Variants in PPARGC1A observed in about 807,000 individuals in gnomAD.
PPARGC1A encodes the protein peroxisome proliferator-activated receptor gamma coactivator 1-alpha.
A neutral mutation model predicts 88.7 loss-of-function variants in PPARGC1A; 25 were observed. That is an observed-to-expected ratio of 0.28 (90% CI 0.21 to 0.39). The LOEUF is 0.39. PPARGC1A is among the 10% of genes least tolerant of loss of function. The probability of loss-of-function intolerance (pLI) is 1.00; values close to 1 mark genes in which losing one functional copy is unlikely to be tolerated. For synonymous variants in PPARGC1A, 363 were observed against 355.6 expected (o/e 1.02, Z -0.24); for missense variants, 880 against 968.7 (o/e 0.91, Z 1.22).
the PPARGC1A span, among the ~76,000 whole-genome samples, chr4:24,009,412 G>A: frequency 6.6e-6 from 1 of 152,108 alleles, no homozygotes. Context: ...TGGCATGAGG[G>A]TTATGAGGCA....
intron 2 of PPARGC1A, among the ~76,000 whole-genome samples, chr4:23,834,474 G>C (rs1232864037): frequency 8.1e-6 from 1 of 122,848 alleles, no homozygotes; most frequent in African/African-American, 3.2e-5. Flanking sequence ...GGGTGACAGA[G>C]GGAGACTCTG....
chr4:23,901,937 T>C (rs1577704782), upstream of PPARGC1A, among the ~76,000 whole-genome samples: 2 of 152,176 alleles, frequency 1.3e-5, no homozygotes, highest in African/African-American at 4.8e-5. Flanking sequence ...CAAGTTGCTA[T>C]CTAAGTCCAA....
the PPARGC1A span, among the ~76,000 whole-genome samples, chr4:24,088,991 C>T: frequency 2.6e-5 from 4 of 152,164 alleles, no homozygotes; most frequent in African/African-American, 9.7e-5. Context: ...AGACTTCTGA[C>T]AAGGATTGAA....
the PPARGC1A span, among the ~76,000 whole-genome samples, chr4:24,280,025 C>G: frequency 1.2e-4 from 19 of 152,172 alleles, no homozygotes; most frequent in Non-Finnish European, 1.9e-4. Context: ...CGCTCTTTCT[C>G]GCCAACAATG....
the PPARGC1A span, among the ~76,000 whole-genome samples, chr4:24,239,405 A>G: frequency 6.6e-6 from 1 of 152,254 alleles, no homozygotes; most frequent in Non-Finnish European, 1.5e-5. Flanking sequence ...CTTTAAGGAA[A>G]CAAACCAAAA....
chr4:23,835,243 T>A (rs1725785715), intron 2 of PPARGC1A, among the ~76,000 whole-genome samples: 1 of 152,208 alleles, frequency 6.6e-6, no homozygotes. Context: ...ATAATTCCAA[T>A]CAAGTTAAAA....
chr4:24,097,188 A>G, the PPARGC1A span, among the ~76,000 whole-genome samples: 1 of 152,226 alleles, frequency 6.6e-6, no homozygotes, highest in East Asian at 1.9e-4. Flanking sequence ...CATGCATGCC[A>G]CAATGCTAAA....
the PPARGC1A span, among the ~76,000 whole-genome samples, chr4:24,214,758 C>T: frequency 9.4e-4 from 143 of 152,228 alleles, no homozygotes; most frequent in Non-Finnish European, 9.6e-4. Context: ...AGCACTGGAA[C>T]GCTAATCCTT....
the PPARGC1A span, among the ~76,000 whole-genome samples, chr4:24,392,013 T>A: frequency 6.6e-6 from 1 of 152,180 alleles, no homozygotes; most frequent in Admixed American, 6.5e-5. Context: ...AATAATTAAT[T>A]ATTTCAATTC....
At chr4:24,324,240 GC>G in the PPARGC1A span, among the ~76,000 whole-genome samples, 1 of 151,846 alleles carries the variant, frequency 6.6e-6, no homozygotes, top group Non-Finnish European at 1.5e-5. Flanking sequence ...CCCCTTCTCT[GC>G]CTTTCCTGGG....
upstream of PPARGC1A, chr4:23,904,156 G>A: frequency 1.8e-6 from 1 of 557,844 alleles, no homozygotes; most frequent in Non-Finnish European, 2.3e-6. Context: ...GCATCTCAGA[G>A]TCACTACTAA....
intron 3 of PPARGC1A, among the ~76,000 whole-genome samples, chr4:23,830,492 A>G (rs1460774494): frequency 6.6e-6 from 1 of 152,242 alleles, no homozygotes; most frequent in African/African-American, 2.4e-5. Context: ...AAAGCCAATG[A>G]CACTAACAAA....
intron 2 of PPARGC1A, among the ~76,000 whole-genome samples, chr4:23,849,087 T>C (rs915841341): frequency 1.3e-5 from 2 of 152,064 alleles, no homozygotes; most frequent in African/African-American, 4.8e-5. Flanking sequence ...GAGCTTGCAG[T>C]GAGCCGAGAT....
the PPARGC1A span, among the ~76,000 whole-genome samples, chr4:24,247,140 C>A: frequency 1.3e-5 from 2 of 152,078 alleles, no homozygotes; most frequent in African/African-American, 2.4e-5. Flanking sequence ...AAACTATTAT[C>A]AAAAATTTCA....
At chr4:24,225,356 T>C in the PPARGC1A span, among the ~76,000 whole-genome samples, 2 of 151,848 alleles carry the variant, frequency 1.3e-5, no homozygotes, top group Non-Finnish European at 2.9e-5. Context: ...GATCACGAGG[T>C]CAGGAAATTG....
At chr4:24,041,474 CCTG>C in the PPARGC1A span, among the ~76,000 whole-genome samples, 16,893 of 152,122 alleles carry the variant, frequency 0.11, 1,103 homozygotes, top group South Asian at 0.2. Flanking sequence ...GGAGTCATCA[CCTG>C]CTGATTTCTT....
chr4:23,822,171 T>G (rs371375663), intron 7 of PPARGC1A, among the ~76,000 whole-genome samples: 3 of 152,042 alleles, frequency 2.0e-5, no homozygotes, highest in African/African-American at 7.2e-5. Context: ...GGAGGGAAAG[T>G]GTGTGTGCCA....
At chr4:24,027,253 A>ATGTGTG in the PPARGC1A span, among the ~76,000 whole-genome samples, 1 of 95,890 alleles carries the variant, frequency 1.0e-5, no homozygotes, top group African/African-American at 3.3e-5. Context: ...GTGTGCGTGC[A>ATGTGTG]TATTTTTGCC....
the PPARGC1A span, among the ~76,000 whole-genome samples, chr4:24,379,488 C>G: frequency 2.6e-5 from 4 of 152,052 alleles, no homozygotes; most frequent in Non-Finnish European, 5.9e-5. Flanking sequence ...AAGTCAAATA[C>G]TGATCATTAT....
Sources: allele counts gnomAD v4.1 joint callset (sites outside exome capture counted in the v4.1 genomes callset), GRCh38; gene constraint gnomAD v4.1.1; transcripts MANE v1.5; gene names NCBI Gene and HGNC (gene_info 2026-07-23, HGNC 2026-07-21).